POC5: variants seen among roughly 807,000 people sequenced by gnomAD.
POC5 encodes centrosomal protein POC5.
POC5 carries 48 observed loss-of-function variants against 62.9 expected under a neutral mutation model. The observed-to-expected ratio is 0.76, with a 90% CI of 0.61 to 0.97. The LOEUF (loss-of-function observed/expected upper bound fraction) is 0.97, where lower values mean the gene tolerates loss of function less well. Among genes scored for constraint, POC5 ranks in the 50% least tolerant of loss-of-function variants. POC5 has a pLI of 0.00. For missense variants in POC5, 696 were observed against 679.5 expected (o/e 1.02, Z -0.27); for synonymous variants, 236 against 228.2 (o/e 1.03, Z -0.31).
At chr5:75,703,273 A>T (rs1776966735) in intron 4 of POC5, among the ~76,000 whole-genome samples, 1 of 152,248 alleles carries the variant, frequency 6.6e-6, no homozygotes, top group African/African-American at 2.4e-5. Flanking sequence ...GACCAAGGTC[A>T]GTGTGGTTGT....
At chr5:75,699,853 A>T (rs1299357065) in intron 5 of POC5, among the ~76,000 whole-genome samples, 1 of 149,474 alleles carries the variant, frequency 6.7e-6, no homozygotes, top group African/African-American at 2.4e-5. Context: ...TTAAGCTGAT[A>T]AGCAACTTCA....
At chr5:75,702,140 C>T (rs957663851) in intron 5 of POC5, among the ~76,000 whole-genome samples, 3 of 151,558 alleles carry the variant, frequency 2.0e-5, no homozygotes, top group African/African-American at 4.8e-5. Flanking sequence ...TGGAGGGGAA[C>T]ATCACACACC....
intron 1 of POC5, among the ~76,000 whole-genome samples, chr5:75,714,149 G>A (rs1777457184): frequency 6.6e-6 from 1 of 152,216 alleles, no homozygotes. Flanking sequence ...GGAGGCTGAG[G>A]TAGGTGGATC....
chr5:75,702,198 A>G (rs907858614), intron 5 of POC5, among the ~76,000 whole-genome samples: 1 of 152,122 alleles, frequency 6.6e-6, no homozygotes, highest in Non-Finnish European at 1.5e-5. Context: ...GCATTAGGAC[A>G]CATACCTAAT....
rs182404232 is a variant in POC5 at position 75,696,371 on chromosome 5, C to T, written c.514-1540G>A. On this transcript the variant is annotated intron_variant, in intron 5 of 11. Transcript: ENST00000428202. ...CAGCACGCAGCTGGAGATCTGAGAA[C>T]GGGCAGCCTGCCTCAAGTGGGTCCC... Among the ~76,000 whole-genome samples the T allele has an allele frequency of 2.3e-3, 349 of 152,324 alleles. 1 individual carries two copies. In the East Asian group the frequency reaches 0.028, roughly 12 times the overall value.
At chr5:75,676,243 T>C (rs1287842911) in intron 11 of POC5, among the ~76,000 whole-genome samples, 1 of 152,252 alleles carries the variant, frequency 6.6e-6, no homozygotes, top group African/African-American at 2.4e-5. Flanking sequence ...TCTCACCATC[T>C]CTATACATTT....
intron 2 of POC5, 146 bp downstream of exon 2, chr5:75,712,708 C>A (rs1436947804): frequency 1.4e-6 from 1 of 736,886 alleles, no homozygotes; most frequent in Admixed American, 2.8e-5. Context: ...AAAATGTGTA[C>A]AGTAATTCCT....
intron 3 of POC5, among the ~76,000 whole-genome samples, chr5:75,706,609 G>T (rs1331728619): frequency 2.0e-5 from 3 of 151,564 alleles, no homozygotes; most frequent in Non-Finnish European, 2.9e-5. Flanking sequence ...TGTTGCCTAG[G>T]CTGAAGTGCA....
At chr5:75,677,689 C>A in intron 11 of POC5, 85 bp downstream of exon 11, 2 of 1,115,882 alleles carry the variant, frequency 1.8e-6, no homozygotes, top group Non-Finnish European at 2.4e-6. Context: ...TTTTTATCTT[C>A]TCAACATGTT....
intron 10 of POC5, among the ~76,000 whole-genome samples, chr5:75,679,375 C>T (rs983816666): frequency 3.9e-5 from 6 of 152,030 alleles, no homozygotes; most frequent in Non-Finnish European, 7.4e-5. Context: ...AATCTTTTCC[C>T]GATTATTATA....
chr5:75,698,411 T>A (rs1272721719), intron 5 of POC5, among the ~76,000 whole-genome samples: 2 of 151,880 alleles, frequency 1.3e-5, no homozygotes, highest in African/African-American at 4.8e-5. Context: ...GGATTAAGAA[T>A]CTCACTCAAA....
chr5:75,694,021 T>G (rs778256887), intron 6 of POC5, among the ~76,000 whole-genome samples: 10 of 152,202 alleles, frequency 6.6e-5, no homozygotes, highest in Non-Finnish European at 1.5e-4. Context: ...GAATTTGAGA[T>G]GCTTAAACCC....
intron 2 of POC5, chr5:75,712,424 C>T: frequency 1.2e-6 from 2 of 1,612,918 alleles, no homozygotes; most frequent in East Asian, 2.2e-5. Context: ...GCAGATTGTA[C>T]TGAATGTTGT....
chr5:75,679,119 T>C (rs1243738052), intron 10 of POC5, among the ~76,000 whole-genome samples: 1 of 152,176 alleles, frequency 6.6e-6, no homozygotes, highest in Non-Finnish European at 1.5e-5. Flanking sequence ...ATTTCCCCAT[T>C]TCATGTATTT....
chr5:75,705,586 AT>A (rs765560623), intron 4 of POC5, 117 bp downstream of exon 4: 2 of 607,812 alleles, frequency 3.3e-6, no homozygotes, highest in African/African-American at 3.8e-5. Context: ...CAATAATAGC[AT>A]TTTAAAATCC....
chr5:75,700,774 G>A (rs1262921161), intron 5 of POC5, among the ~76,000 whole-genome samples: 1 of 139,170 alleles, frequency 7.2e-6, no homozygotes, highest in African/African-American at 2.6e-5. Flanking sequence ...CCATCAGAGT[G>A]AACAGGCAAC....
intron 11 of POC5, among the ~76,000 whole-genome samples, chr5:75,676,938 G>A (rs544793627): frequency 1.3e-5 from 2 of 151,966 alleles, no homozygotes; most frequent in African/African-American, 4.8e-5. Flanking sequence ...TTGTTGATTC[G>A]TACACATTTG....
At position 75,711,913 on chromosome 5, in the gene POC5, A is replaced by G. The variant is rs975897159; in HGVS notation, c.84+941T>C. Among the ~76,000 whole-genome samples, 5 of 152,338 alleles carry G rather than the reference A, an allele frequency of 3.3e-5. No homozygotes were observed. The East Asian group carries it at 7.7e-4, about 24-fold the overall frequency. Reference sequence around the variant, plus strand: ...TAGTATAAATGAGTTAATCAGTTCTATCTTCAAGTTTCAATCAGACAGCGA... The same window carrying G: ...TAGTATAAATGAGTTAATCAGTTCTGTCTTCAAGTTTCAATCAGACAGCGA... On this transcript the variant is annotated intron_variant, in intron 2 of 11. Coordinates refer to ENST00000428202, the MANE Select transcript of POC5 (RefSeq NM_001099271.2).
chr5:75,676,850 AAAT>A (rs1561458782), intron 11 of POC5, among the ~76,000 whole-genome samples: 9 of 80,982 alleles, frequency 1.1e-4, no homozygotes, highest in South Asian at 9.5e-4. Context: ...AATAAAAAAT[AAAT>A]AAATAAATAA....
Sources: gnomAD v4.1 joint callset for allele counts (sites outside exome capture counted in the v4.1 genomes callset) on GRCh38, gnomAD v4.1.1 for gene constraint, MANE v1.5 for transcripts, NCBI Gene and HGNC (gene_info 2026-07-23, HGNC 2026-07-21) for gene names.